UVRAG: variants seen among roughly 807,000 people sequenced by gnomAD.
The protein encoded by UVRAG is UV radiation resistance-associated gene protein.
In UVRAG, 19 loss-of-function variants were observed where a neutral mutation model predicts 78.0. The observed-to-expected ratio is 0.24, with a 90% CI of 0.17 to 0.36. The LOEUF (loss-of-function observed/expected upper bound fraction) is 0.36, where lower values mean the gene tolerates loss of function less well. UVRAG is among the 10% of genes least tolerant of loss of function. The pLI is 1.00. For missense variants in UVRAG, 740 were observed against 853.8 expected, an observed-to-expected ratio of 0.87 and a Z score of 1.66; for synonymous variants, 323 against 324.6, an observed-to-expected ratio of 1.00 and a Z score of 0.05.
intron 12 of UVRAG, among the ~76,000 whole-genome samples, chr11:76,063,762 T>C (rs539850429): frequency 8.1e-4 from 124 of 152,340 alleles, no homozygotes; most frequent in Non-Finnish European, 1.5e-3. Context: ...TGTACTTTAA[T>C]GACCACATTC....
chr11:75,911,907 T>G, intron 5 of UVRAG, 47 bp from the exon 6 acceptor site: 1 of 1,245,818 alleles, frequency 8.0e-7, no homozygotes, highest in Non-Finnish European at 1.2e-6. Context: ...TGTGCATATA[T>G]TTTATTTTGT....
At chr11:76,022,081 A>G (rs373812247) in intron 12 of UVRAG, among the ~76,000 whole-genome samples, 13 of 152,238 alleles carry the variant, frequency 8.5e-5, no homozygotes, top group African/African-American at 2.9e-4. Context: ...TAATTTTCAC[A>G]TATTTGTGAA....
In UVRAG at chr11:76,143,897, TA is replaced by T. The variant is rs1254022614; in HGVS notation, c.*2486del. The stretch of plus-strand genomic sequence containing the variant: ...TCATTACTATCTATTTCTGAACTGC[TA>T]AGAACCCTTTCAGTTTTCTTACAGC... On this transcript the variant is annotated 3_prime_UTR_variant, in exon 15 of 15. Coordinates refer to ENST00000356136, the MANE Select transcript of UVRAG (RefSeq NM_003369.4). 6.6e-6 allele frequency among the ~76,000 whole-genome samples: 1 copy of T among 152,260 alleles called. No homozygotes were observed. Among genetic ancestry groups the T allele is most frequent in the East Asian group, 1.9e-4 (1 of 5,206 alleles).
rs1338384216 is a variant in UVRAG, at chr11:76,065,376, A to C, written c.1227-334A>C. Among the ~76,000 whole-genome samples the C allele has an allele frequency of 3.3e-5, 5 of 152,272 alleles. No homozygotes were observed. The East Asian group carries it at 9.6e-4, about 29-fold the overall frequency. On this transcript the variant is annotated intron_variant, in intron 12 of 14. Transcript: ENST00000356136. ...TCAGGTCCAAGATATTAGAGGGAAA[A>C]ATTTCTGGTATCTTAATCTTAGCTA...
chr11:75,937,320 A>G (rs1443299102), intron 6 of UVRAG, among the ~76,000 whole-genome samples: 2 of 152,242 alleles, frequency 1.3e-5, no homozygotes, highest in Non-Finnish European at 2.9e-5. Flanking sequence ...CCTCAGCGAC[A>G]GAGTGAGACT....
chr11:75,871,196 A>G (rs911808302), intron 3 of UVRAG, among the ~76,000 whole-genome samples: 1 of 150,258 alleles, frequency 6.7e-6, no homozygotes. Context: ...TTCAGTCACT[A>G]CCTTTTCCCA....
At chr11:76,029,120 A>C (rs1301121787) in intron 12 of UVRAG, among the ~76,000 whole-genome samples, 1 of 152,198 alleles carries the variant, frequency 6.6e-6, no homozygotes, top group Non-Finnish European at 1.5e-5. Context: ...TCTGTGTTCT[A>C]TAAATGTAAC....
At position 75,940,827 on chromosome 11, in the gene UVRAG, G is replaced by A. The variant is rs143909519; in HGVS notation, c.594-20617G>A. On this transcript the variant is annotated intron_variant, in intron 6 of 14. Coordinates refer to ENST00000356136, the MANE Select transcript of UVRAG (RefSeq NM_003369.4). ...AATGGTTAATAAGCCACTGAGCTGG[G>A]ATTTGAACCATCACTGGCACCACAG... is the stretch of plus-strand genomic sequence containing the variant. Among the ~76,000 whole-genome samples the A allele has an allele frequency of 2.6e-5, 4 of 152,230 alleles. No individual in the cohort carries two copies. In the East Asian group the frequency reaches 7.7e-4, roughly 29 times the overall value.
At position 75,879,848 on chromosome 11, in the gene UVRAG, T is replaced by C; in HGVS notation, c.271-31T>C. ...AAATAATCGTAAACAAATAGAGTTG[T>C]CCTAAAGCGTGTTTTCATTTTCATG... On this transcript the variant is annotated intron_variant, in intron 3 of 14. Transcript: ENST00000356136. 1.9e-6 allele frequency: 3 copies of C among 1,610,460 alleles called. No individual in the cohort carries two copies. In the South Asian group the frequency reaches 3.3e-5, roughly 18 times the overall value.
intron 6 of UVRAG, among the ~76,000 whole-genome samples, chr11:75,937,969 A>G (rs1330950934): frequency 6.6e-6 from 1 of 151,980 alleles, no homozygotes; most frequent in Non-Finnish European, 1.5e-5. Context: ...AATAGTTTCT[A>G]CCCAAATGTT....
chr11:75,983,648 A>C, intron 8 of UVRAG, 135 bp downstream of exon 8: 1 of 1,216,864 alleles, frequency 8.2e-7, no homozygotes, highest in Non-Finnish European at 1.1e-6. Context: ...TATATTCTGG[A>C]AATGCATCCT....
At chr11:75,907,400 AT>A (rs934059327) in intron 5 of UVRAG, among the ~76,000 whole-genome samples, 412 of 137,750 alleles carry the variant, frequency 3.0e-3, no homozygotes, top group Middle Eastern at 7.4e-3. Flanking sequence ...CTAGTTTGTG[AT>A]TTTTTTTTTT....
chr11:76,080,083 C>G (rs557420575), intron 13 of UVRAG, among the ~76,000 whole-genome samples: 3 of 152,248 alleles, frequency 2.0e-5, no homozygotes, highest in African/African-American at 7.2e-5. Context: ...GGAGCCCACT[C>G]TTGTAGTAAT....
intron 12 of UVRAG, among the ~76,000 whole-genome samples, chr11:76,044,342 C>A (rs1565134258): frequency 6.6e-6 from 1 of 152,188 alleles, no homozygotes; most frequent in African/African-American, 2.4e-5. Flanking sequence ...ACATATAAAG[C>A]CCAGCACACA....
At chr11:76,113,357 A>G (rs1396666408) in intron 13 of UVRAG, among the ~76,000 whole-genome samples, 5 of 152,150 alleles carry the variant, frequency 3.3e-5, no homozygotes, top group African/African-American at 4.8e-5. Flanking sequence ...GCAAAGTGGT[A>G]TAAGAGTGCT....
At chr11:76,033,805 C>T (rs1950479572) in intron 12 of UVRAG, among the ~76,000 whole-genome samples, 1 of 152,088 alleles carries the variant, frequency 6.6e-6, no homozygotes, top group East Asian at 1.9e-4. Flanking sequence ...CATTTTATAT[C>T]CATCAAACTG....
intron 3 of UVRAG, among the ~76,000 whole-genome samples, chr11:75,877,681 G>A (rs1417310843): frequency 7.1e-6 from 1 of 140,500 alleles, no homozygotes; most frequent in Non-Finnish European, 1.6e-5. Flanking sequence ...CAGTAGGGGC[G>A]GCTGGGCAGA....
intron 13 of UVRAG, among the ~76,000 whole-genome samples, chr11:76,075,331 C>T (rs1951384375): frequency 6.6e-6 from 1 of 152,142 alleles, no homozygotes; most frequent in Admixed American, 6.6e-5. Flanking sequence ...ACAATTCAGG[C>T]CAGGCGTGGT....
At chr11:76,098,026 T>C (rs1356335166) in intron 13 of UVRAG, among the ~76,000 whole-genome samples, 2 of 152,142 alleles carry the variant, frequency 1.3e-5, no homozygotes, top group African/African-American at 2.4e-5. Context: ...GTGGATCTTA[T>C]CGTTCATCTC....
Sources: allele counts gnomAD v4.1 joint callset (sites outside exome capture counted in the v4.1 genomes callset), GRCh38; gene constraint gnomAD v4.1.1; transcripts MANE v1.5; gene names NCBI Gene and HGNC (gene_info 2026-07-23, HGNC 2026-07-21).